The following LANCL2 variants were observed in gnomAD, a reference collection of about 807,000 sequenced individuals.
LANCL2 encodes the protein LanC like glutathione S-transferase 2, also known as lanC-like protein 2.
LANCL2 carries 33 observed loss-of-function variants against 56.9 expected under a neutral mutation model. That is an observed-to-expected ratio of 0.58 (90% confidence interval 0.44 to 0.78). The LOEUF (loss-of-function observed/expected upper bound fraction) is 0.78. Among genes scored for constraint, LANCL2 ranks in the 30% least tolerant of loss-of-function variants. The pLI is 0.00. For synonymous variants in LANCL2, 233 were observed against 228.2 expected (o/e 1.02, Z -0.19); for missense variants, 562 against 580.2 (o/e 0.97, Z 0.32).
In LANCL2 at chr7:55,433,624, T is replaced by C. The variant is rs1382889718; in HGVS notation, c.*2304T>C. 6.6e-6 allele frequency: 1 copy of C among 152,250 alleles called. No individual in the cohort carries two copies. The highest frequency in any genetic ancestry group is 1.5e-5 in the Non-Finnish European group (1 of 68,044). The allele number at this position is 152,250 out of a possible 1,614,324, so 9.4% of individuals were successfully genotyped here. ...CTAAAATGTGTCTAAATTTTAAAAA[T>C]ATGTACATGCATAATGTCATTTTAA... On this transcript the variant is annotated 3_prime_UTR_variant, in exon 9 of 9. Coordinates refer to ENST00000254770, the MANE Select transcript of LANCL2 (RefSeq NM_018697.4).
intron 1 of LANCL2, among the ~76,000 whole-genome samples, chr7:55,372,166 C>T (rs1454775537): frequency 2.0e-5 from 3 of 152,300 alleles, no homozygotes; most frequent in East Asian, 1.9e-4. Flanking sequence ...ACTTAATTAA[C>T]CTCCAGCCAG....
chr7:55,402,583 C>A (rs1198329107), intron 5 of LANCL2, among the ~76,000 whole-genome samples: 1 of 29,106 alleles, frequency 3.4e-5, no homozygotes, highest in South Asian at 1.4e-3. Flanking sequence ...CCGGACGGGG[C>A]GGCTGGCCAG....
intron 1 of LANCL2, among the ~76,000 whole-genome samples, chr7:55,387,510 C>A (rs548911388): frequency 6.6e-6 from 1 of 151,050 alleles, no homozygotes; most frequent in Non-Finnish European, 1.5e-5. Context: ...AAACGTTGAA[C>A]TTCTGATATA....
At chr7:55,430,672 T>G (rs1020108148) in intron 8 of LANCL2, among the ~76,000 whole-genome samples, 1 of 152,214 alleles carries the variant, frequency 6.6e-6, no homozygotes, top group Non-Finnish European at 1.5e-5. Flanking sequence ...GGAGGATTGT[T>G]CTGATTTGAG....
intron 6 of LANCL2, among the ~76,000 whole-genome samples, chr7:55,423,583 A>G (rs1307472908): frequency 1.3e-5 from 2 of 152,238 alleles, no homozygotes; most frequent in Non-Finnish European, 2.9e-5. Flanking sequence ...TGCCGGCACA[A>G]TACCGTAGAA....
intron 1 of LANCL2, among the ~76,000 whole-genome samples, chr7:55,371,262 A>AG (rs1321542045): frequency 6.6e-6 from 1 of 151,960 alleles, no homozygotes; most frequent in Middle Eastern, 3.2e-3. Flanking sequence ...TTTTCGAGAC[A>AG]GGGTCTCACT....
At chr7:55,377,356 G>A (rs1204754734) in intron 1 of LANCL2, among the ~76,000 whole-genome samples, 1 of 152,064 alleles carries the variant, frequency 6.6e-6, no homozygotes, top group Non-Finnish European at 1.5e-5. Context: ...TTAATTTCTT[G>A]AAACGTTTTT....
intron 5 of LANCL2, among the ~76,000 whole-genome samples, chr7:55,408,661 C>G (rs1335973351): frequency 7.2e-6 from 1 of 138,352 alleles, no homozygotes; most frequent in Non-Finnish European, 1.6e-5. Flanking sequence ...AGTATGAGAC[C>G]CTGTCTCAAA....
At chr7:55,398,242 G>A (rs992933735) in intron 2 of LANCL2, among the ~76,000 whole-genome samples, 181 bp from the exon 3 acceptor site, 2 of 152,108 alleles carry the variant, frequency 1.3e-5, no homozygotes, top group African/African-American at 4.8e-5. Context: ...TGATTTCTCT[G>A]TCTTGGTTTT....
chr7:55,392,491 C>T (rs1046361736), intron 2 of LANCL2, among the ~76,000 whole-genome samples: 1 of 151,888 alleles, frequency 6.6e-6, no homozygotes, highest in African/African-American at 2.4e-5. Flanking sequence ...GCTGGGACCA[C>T]AGGCACATGC....
At chr7:55,415,213 T>G (rs924903794) in intron 6 of LANCL2, among the ~76,000 whole-genome samples, 5 of 152,258 alleles carry the variant, frequency 3.3e-5, no homozygotes, top group African/African-American at 1.2e-4. Context: ...TAAATGAGAT[T>G]GTATTTGGAA....
chr7:55,391,328 T>G (rs535403082), intron 1 of LANCL2, among the ~76,000 whole-genome samples: 338 of 152,298 alleles, frequency 2.2e-3, no homozygotes, highest in Non-Finnish European at 3.9e-3. Context: ...TGAACTTTTT[T>G]TGTGTATGCT....
At chr7:55,380,940 C>T (rs1454927749) in intron 1 of LANCL2, among the ~76,000 whole-genome samples, 4 of 147,080 alleles carry the variant, frequency 2.7e-5, no homozygotes, top group Admixed American at 7.0e-5. Context: ...GGTGCCATCT[C>T]AGCTCACTGC....
intron 1 of LANCL2, among the ~76,000 whole-genome samples, chr7:55,388,527 CAG>C (rs1790150779): frequency 6.6e-6 from 1 of 152,168 alleles, no homozygotes; most frequent in Admixed American, 6.5e-5. Flanking sequence ...GCCTGGGCAA[CAG>C]AGAGACTCTG....
At chr7:55,408,050 G>T (rs776875943) in intron 5 of LANCL2, among the ~76,000 whole-genome samples, 13 of 152,216 alleles carry the variant, frequency 8.5e-5, no homozygotes, top group Non-Finnish European at 1.8e-4. Context: ...AAAGCAGGAA[G>T]TGGAAGAAAG....
chr7:55,372,748 T>C (rs1037833713), intron 1 of LANCL2, among the ~76,000 whole-genome samples: 4 of 152,222 alleles, frequency 2.6e-5, no homozygotes, highest in African/African-American at 4.8e-5. Flanking sequence ...TTTTATATTT[T>C]CAGTGGAATA....
intron 5 of LANCL2, among the ~76,000 whole-genome samples, chr7:55,404,325 T>C (rs1355163527): frequency 6.6e-6 from 1 of 152,198 alleles, no homozygotes; most frequent in Non-Finnish European, 1.5e-5. Flanking sequence ...CTTCTTCTTT[T>C]AAATTTAAGC....
intron 1 of LANCL2, among the ~76,000 whole-genome samples, chr7:55,381,826 G>A (rs571513122): frequency 7.9e-5 from 12 of 152,356 alleles, no homozygotes; most frequent in Middle Eastern, 3.4e-3. Context: ...AGAGCAATGC[G>A]TTTTTAGAGC....
intron 7 of LANCL2, 104 bp downstream of exon 7, chr7:55,425,534 C>G: frequency 9.4e-7 from 1 of 1,066,730 alleles, no homozygotes; most frequent in Non-Finnish European, 1.4e-6. Flanking sequence ...CTGTTTCTCC[C>G]AGTTCTGTAG....
Sources: allele counts gnomAD v4.1 joint callset (sites outside exome capture counted in the v4.1 genomes callset), GRCh38; gene constraint gnomAD v4.1.1; transcripts MANE v1.5; gene names NCBI Gene and HGNC (gene_info 2026-07-23, HGNC 2026-07-21).